Variants in AGO1 observed in about 807,000 individuals in gnomAD.
The protein encoded by AGO1 is protein argonaute-1.
A neutral mutation model predicts 109.2 loss-of-function variants in AGO1; 11 were observed. The observed-to-expected ratio is 0.10, with a 90% CI of 0.06 to 0.17. The LOEUF (loss-of-function observed/expected upper bound fraction) is 0.17, where lower values mean the gene tolerates loss of function less well. Ranked by LOEUF, AGO1 falls within the 10% of genes least tolerant of loss-of-function variation. The pLI is 1.00. For synonymous variants in AGO1, 422 were observed against 418.6 expected (o/e 1.01, Z -0.10); for missense variants, 574 against 1,140.3 (o/e 0.50, Z 7.15).
chr1:35,875,788 C>G (rs961127990), intron 1 of AGO1, among the ~76,000 whole-genome samples: 2 of 152,192 alleles, frequency 1.3e-5, no homozygotes, highest in African/African-American at 2.4e-5. Context: ...TATTACTGCT[C>G]CTTGACAGTG....
chr1:35,918,480 T>C, intron 17 of AGO1, 57 bp downstream of exon 17: 1 of 1,303,310 alleles, frequency 7.7e-7, no homozygotes, highest in South Asian at 1.2e-5. Context: ...TTCATTCATA[T>C]TGCCTCTAGA....
At position 35,919,766 on chromosome 1, in the gene AGO1, A is replaced by G. The variant is rs972780830; in HGVS notation, c.*159A>G. On this transcript the variant is annotated 3_prime_UTR_variant, in exon 19 of 19. Coordinates refer to ENST00000373204, the MANE Select transcript of AGO1 (RefSeq NM_012199.5). This position sits in a 1 kb window ranked among gnomAD's most constrained non-coding sequence, Gnocchi z 6.6. ...TAGAGGTGGTGTAAGAGTGGGGAAC[A>G]GGGCCAGCAAGACAGACCACCAGCC... 1.6e-6 allele frequency: 1 copy of G among 631,552 alleles called. No homozygotes were observed. Among genetic ancestry groups the G allele is most frequent in the African/African-American group, 1.8e-5 (1 of 54,626 alleles). The allele number at this position is 631,552 out of a possible 1,614,324, so 39.1% of individuals were successfully genotyped here.
intron 2 of AGO1, 133 bp from the exon 3 acceptor site, chr1:35,892,424 G>A (rs1165982255): frequency 1.7e-6 from 2 of 1,175,182 alleles, no homozygotes; most frequent in East Asian, 4.7e-5. Flanking sequence ...ATTAAAGTTT[G>A]AGAAGCACTG....
rs546902781 is a variant in AGO1, at chr1:35,920,757, TC to T, written c.*1153del. The T allele has an allele frequency of 4.6e-5, 7 of 152,754 alleles. No homozygotes were observed. The East Asian group carries it at 1.3e-3, about 29-fold the overall frequency. The allele number at this position is 152,754 out of a possible 1,614,324, so 9.5% of individuals were successfully genotyped here. ...CATTTTTCACTCTTGGCTTCTTTTC[TC>T]CCTTGATGGTCAAGTCTCTTATGTT... On this transcript the variant is annotated 3_prime_UTR_variant, in exon 19 of 19. Coordinates refer to ENST00000373204, the MANE Select transcript of AGO1 (RefSeq NM_012199.5).
rs1389444371 is a variant in AGO1, at chr1:35,926,946, T to G, written c.*7339T>G. On this transcript the variant is annotated 3_prime_UTR_variant, in exon 19 of 19. Coordinates refer to ENST00000373204, the MANE Select transcript of AGO1 (RefSeq NM_012199.5). ...TTGGCAATGGTTTTTTGTTTGGGGT[T>G]TTTTTTTTTTTTTTTTTGGACAAAG... 5 of 91,366 alleles carry G rather than the reference T, an allele frequency of 5.5e-5. No homozygotes were observed. Among genetic ancestry groups the G allele is most frequent in the East Asian group, 2.0e-3 (1 of 498 alleles). 5.7% of individuals were successfully genotyped at this position (91,366 alleles called of 1,614,324 possible). A position where few individuals can be genotyped will look rare whatever the true frequency, so the allele number is the denominator to read the frequency against.
intron 11 of AGO1, among the ~76,000 whole-genome samples, chr1:35,904,707 G>A (rs1271705222): frequency 6.6e-6 from 1 of 152,206 alleles, no homozygotes; most frequent in Non-Finnish European, 1.5e-5. Flanking sequence ...AGTTAAATCT[G>A]TGGTTCTGAC....
intron 12 of AGO1, among the ~76,000 whole-genome samples, chr1:35,909,527 T>C (rs1194572200): frequency 6.6e-6 from 1 of 152,210 alleles, no homozygotes; most frequent in African/African-American, 2.4e-5. Flanking sequence ...CTGCATCCTC[T>C]TCTTCTTGTC....
In AGO1 at chr1:35,893,030, A is replaced by G; in HGVS notation, c.331-67A>G. On this transcript the variant is annotated intron_variant, in intron 3 of 18. Transcript: ENST00000373204. This position sits in a 1 kb window ranked among gnomAD's most constrained non-coding sequence, Gnocchi z 5.6. ...TGAAAAACATGTTCTCAGCAAATCC[A>G]TGGAGTTGGGGGTCATTCTCGCAGA... is the stretch of plus-strand genomic sequence containing the variant. The G allele has an allele frequency of 6.9e-7, 1 of 1,450,338 alleles. No homozygotes were observed. Among genetic ancestry groups the G allele is most frequent in the Non-Finnish European group, 9.4e-7 (1 of 1,058,436 alleles). The allele number at this position is 1,450,338 out of a possible 1,614,324, so 89.8% of individuals were successfully genotyped here.
intron 15 of AGO1, 92 bp downstream of exon 15, chr1:35,915,634 T>A: frequency 5.8e-6 from 7 of 1,215,558 alleles, no homozygotes; most frequent in Non-Finnish European, 8.1e-6. Context: ...CTGAGAGGTG[T>A]GTCACTTCTT....
chr1:35,894,466 C>G, intron 7 of AGO1, 64 bp downstream of exon 7: 1 of 1,487,328 alleles, frequency 6.7e-7, no homozygotes, highest in Middle Eastern at 1.8e-4. Context: ...TTAAAACTAT[C>G]TTTCCCTCCC....
rs559492493 is a variant in AGO1, at chr1:35,893,002, A to G, written c.331-95A>G. ...GGATTTTCATTATGAGCCCCTATCA[A>G]CTTGAAAAACATGTTCTCAGCAAAT... On this transcript the variant is annotated intron_variant, in intron 3 of 18. Transcript: ENST00000373204. This position sits in a 1 kb window ranked among gnomAD's most constrained non-coding sequence, Gnocchi z 5.6. The G allele has an allele frequency of 7.9e-7, 1 of 1,269,284 alleles. No individual in the cohort carries two copies. Among genetic ancestry groups the G allele is most frequent in the East Asian group, 2.5e-5 (1 of 39,696 alleles). 78.6% of individuals were successfully genotyped at this position (1,269,284 alleles called of 1,614,324 possible).
At chr1:35,894,274 G>C (rs758630961) in intron 6 of AGO1, 41 bp from the exon 7 acceptor site, 24 of 1,611,704 alleles carry the variant, frequency 1.5e-5, no homozygotes, top group South Asian at 9.9e-5. Context: ...GGGCACATGA[G>C]CAACCTATTT....
intron 12 of AGO1, among the ~76,000 whole-genome samples, chr1:35,911,291 G>C (rs1353341339): frequency 2.6e-5 from 4 of 152,126 alleles, no homozygotes; most frequent in African/African-American, 9.7e-5. Flanking sequence ...GGGTCATGAA[G>C]ATACTATTTG....
chr1:35,874,860 G>A (rs1025079288), intron 1 of AGO1, among the ~76,000 whole-genome samples: 2 of 152,130 alleles, frequency 1.3e-5, no homozygotes, highest in Non-Finnish European at 2.9e-5. Flanking sequence ...GATCTGGAAA[G>A]AAGATCAAAC....
rs1301096853 is a variant in AGO1 at position 35,922,054 on chromosome 1, T to C, written c.*2447T>C. On this transcript the variant is annotated 3_prime_UTR_variant, in exon 19 of 19. Coordinates refer to ENST00000373204, the MANE Select transcript of AGO1 (RefSeq NM_012199.5). ...GGGGCTAGGATCAGGGCACTATTCC[T>C]GGAGGGTCCAGTCATTCACCAGCAT... The C allele has an allele frequency of 6.5e-6, 1 of 152,828 alleles. No homozygotes were observed. The highest frequency in any genetic ancestry group is 1.9e-4 in the East Asian group (1 of 5,188). The allele number at this position is 152,828 out of a possible 1,614,324, so 9.5% of individuals were successfully genotyped here.
At chr1:35,902,999 CTTT>C (rs899277604) in intron 11 of AGO1, among the ~76,000 whole-genome samples, 6 of 108,788 alleles carry the variant, frequency 5.5e-5, no homozygotes, top group African/African-American at 1.4e-4. Context: ...CACCTGGAGT[CTTT>C]TTTTTTTTTT....
chr1:35,880,785 G>A (rs777212849), upstream of AGO1, among the ~76,000 whole-genome samples: 6 of 151,998 alleles, frequency 3.9e-5, no homozygotes, highest in Admixed American at 2.6e-4. Flanking sequence ...TCAGCCTCCC[G>A]AGGAGCTGGG....
chr1:35,876,722 T>C (rs1644995977), intron 1 of AGO1, among the ~76,000 whole-genome samples: 1 of 152,236 alleles, frequency 6.6e-6, no homozygotes, highest in Non-Finnish European at 1.5e-5. Flanking sequence ...GAGGATTGAC[T>C]CCAATTTTGA....
At chr1:35,881,201 C>G (rs1016670863), upstream of AGO1, among the ~76,000 whole-genome samples, 2 of 152,196 alleles carry the variant, frequency 1.3e-5, no homozygotes, top group South Asian at 2.1e-4. Context: ...GTCCCCAGAT[C>G]GGCAGCATCA....
Sources: gnomAD v4.1 joint callset for allele counts (sites outside exome capture counted in the v4.1 genomes callset) on GRCh38, gnomAD v4.1.1 for gene constraint, Gnocchi (gnomAD v3.1) non-coding constraint, MANE v1.5 for transcripts, NCBI Gene and HGNC (gene_info 2026-07-23, HGNC 2026-07-21) for gene names.